The following MED13L variants were observed in gnomAD, a reference collection of about 807,000 sequenced individuals.
MED13L encodes mediator of RNA polymerase II transcription subunit 13-like.
In MED13L, 7 loss-of-function variants were observed where a neutral mutation model predicts 220.9. That is an observed-to-expected ratio of 0.03 (90% CI 0.02 to 0.06). The LOEUF is 0.06. Ranked by LOEUF, MED13L falls within the 10% of genes least tolerant of loss-of-function variation. MED13L has a pLI of 1.00. For missense variants in MED13L, 1,965 were observed against 2,760.5 expected (o/e 0.71, Z 6.46); for synonymous variants, 1,011 against 1,015.2 (o/e 1.00, Z 0.08).
intron 1 of MED13L, among the ~76,000 whole-genome samples, chr12:116,253,964 T>G (rs1293860010): frequency 6.6e-6 from 1 of 151,872 alleles, no homozygotes; most frequent in Non-Finnish European, 1.5e-5. Context: ...TTTCGCCACA[T>G]TGGCCAGGCT....
chr12:116,012,932 G>C, intron 8 of MED13L, 31 bp from the exon 9 acceptor site: 6 of 1,454,894 alleles, frequency 4.1e-6, no homozygotes, highest in Non-Finnish European at 5.8e-6. Context: ...ACTTATGTGT[G>C]AACATAATAC....
chr12:115,968,913 A>C, intron 28 of MED13L, 27 bp downstream of exon 28: 1 of 1,613,422 alleles, frequency 6.2e-7, no homozygotes, highest in Non-Finnish European at 8.5e-7. Context: ...TGGTTGTCTT[A>C]AACAACGTAC....
chr12:116,140,386 T>C (rs767755027), intron 2 of MED13L, among the ~76,000 whole-genome samples: 4 of 152,212 alleles, frequency 2.6e-5, no homozygotes, highest in African/African-American at 4.8e-5. Flanking sequence ...ATTGAATCTA[T>C]CTTCAGGATT....
intron 24 of MED13L, 55 bp downstream of exon 24, chr12:115,975,460 T>C (rs1592904781): frequency 2.5e-6 from 4 of 1,597,418 alleles, no homozygotes; most frequent in African/African-American, 1.3e-5. Context: ...ATATTCATAT[T>C]TGAGGAACGG....
chr12:116,026,529 C>T (rs980940439), intron 4 of MED13L, among the ~76,000 whole-genome samples: 2 of 152,136 alleles, frequency 1.3e-5, no homozygotes, highest in Non-Finnish European at 2.9e-5. Context: ...GACTGCTGGG[C>T]CCCTGAGGCT....
intron 4 of MED13L, among the ~76,000 whole-genome samples, chr12:116,063,595 G>C (rs1009142531): frequency 1.3e-5 from 2 of 152,102 alleles, no homozygotes; most frequent in Non-Finnish European, 2.9e-5. Context: ...TAATAATCTA[G>C]TTTTATGTAC....
chr12:116,151,819 A>G (rs1410427376), intron 2 of MED13L, among the ~76,000 whole-genome samples: 3 of 152,326 alleles, frequency 2.0e-5, no homozygotes, highest in African/African-American at 7.2e-5. Context: ...TTAGAAATAC[A>G]TTTCCTAAAT....
Position 115,963,587 on chromosome 12 carries a change from A to AC in MED13L, c.6388-69_6388-68insG. 3 of 1,196,380 alleles carry AC rather than the reference A, an allele frequency of 2.5e-6. No individual in the cohort carries two copies. In the East Asian group the frequency reaches 7.3e-5, roughly 29 times the overall value. The allele number at this position is 1,196,380 out of a possible 1,614,324, so 74.1% of individuals were successfully genotyped here. ...TCACAGTGCAGAAGTGAGGGAGGCC[A>AC]TGTCTGCCAGAAGCAGATGCTCCCA... On this transcript the variant is annotated intron_variant, in intron 29 of 30. Coordinates refer to ENST00000281928, the MANE Select transcript of MED13L (RefSeq NM_015335.5).
At chr12:115,971,918 G>C (rs999071040) in intron 26 of MED13L, among the ~76,000 whole-genome samples, 160 bp downstream of exon 26, 15 of 152,092 alleles carry the variant, frequency 9.9e-5, no homozygotes. Flanking sequence ...AAACCACTCC[G>C]CATGGAAGGT....
At chr12:116,250,445 G>A (rs1871438678) in intron 1 of MED13L, among the ~76,000 whole-genome samples, 2 of 151,636 alleles carry the variant, frequency 1.3e-5, no homozygotes, top group Admixed American at 1.3e-4. Context: ...ACCAGGAATA[G>A]GTAACATATA....
At position 115,983,661 on chromosome 12, in the gene MED13L, A is replaced by T. The variant is rs1304470605; in HGVS notation, c.4532-121T>A. ...TTCAGGCTGCAATACTCTGATTACA[A>T]TACCCAAAATACTATCTCCACAGTC... On this transcript the variant is annotated intron_variant, in intron 20 of 30. Transcript: ENST00000281928. The T allele has an allele frequency of 1.1e-5, 11 of 1,002,400 alleles. No individual in the cohort carries two copies. In the Admixed American group the frequency reaches 2.2e-4, roughly 20 times the overall value. 62.1% of individuals were successfully genotyped at this position (1,002,400 alleles called of 1,614,324 possible).
At chr12:116,107,186 G>A (rs560875539) in intron 3 of MED13L, among the ~76,000 whole-genome samples, 18 of 152,222 alleles carry the variant, frequency 1.2e-4, no homozygotes, top group Admixed American at 5.2e-4. Flanking sequence ...AAACAAACAC[G>A]TACCCCCAAA....
At chr12:115,999,842 A>G (rs1878634038) in intron 14 of MED13L, among the ~76,000 whole-genome samples, 2 of 152,198 alleles carry the variant, frequency 1.3e-5, no homozygotes, top group Admixed American at 1.3e-4. Context: ...TAATTTTAGC[A>G]AAGGTAAACA....
chr12:115,998,436 G>C (rs1048582277), intron 14 of MED13L, among the ~76,000 whole-genome samples: 1 of 152,204 alleles, frequency 6.6e-6, no homozygotes, highest in African/African-American at 2.4e-5. Context: ...CTGGGCAACT[G>C]TACCGTGCTG....
intron 16 of MED13L, among the ~76,000 whole-genome samples, chr12:115,995,792 C>T (rs530982929): frequency 1.3e-5 from 2 of 152,226 alleles, no homozygotes; most frequent in African/African-American, 4.8e-5. Flanking sequence ...TAACTCAAAG[C>T]CTGTTTTACA....
intron 4 of MED13L, among the ~76,000 whole-genome samples, chr12:116,025,431 C>G (rs180715947): frequency 4.6e-5 from 7 of 152,190 alleles, no homozygotes; most frequent in Non-Finnish European, 1.0e-4. Flanking sequence ...TCTGCACTCC[C>G]TTGCTTATTC....
At chr12:116,130,929 T>C (rs1481267905) in intron 2 of MED13L, among the ~76,000 whole-genome samples, 1 of 152,218 alleles carries the variant, frequency 6.6e-6, no homozygotes, top group African/African-American at 2.4e-5. Flanking sequence ...GTATATCTTA[T>C]GTTCAAAGTG....
At position 115,975,426 on chromosome 12, in the gene MED13L, C is replaced by T. The variant is rs963579822; in HGVS notation, c.5588+89G>A. 7 of 1,592,184 alleles carry T rather than the reference C, an allele frequency of 4.4e-6. No individual in the cohort carries two copies. The African/African-American group carries it at 9.4e-5, about 21-fold the overall frequency. ...AAAGAACCTATCCATGCTGTACCCA[C>T]TTCATTTACATAGAAAACTGGAAAT... On this transcript the variant is annotated intron_variant, in intron 24 of 30. Coordinates refer to ENST00000281928, the MANE Select transcript of MED13L (RefSeq NM_015335.5).
At chr12:116,253,532 T>G (rs1161714206) in intron 1 of MED13L, among the ~76,000 whole-genome samples, 1 of 151,802 alleles carries the variant, frequency 6.6e-6, no homozygotes, top group African/African-American at 2.4e-5. Context: ...TAAACACAGA[T>G]GAAAAAACCA....
Sources: gnomAD v4.1 joint callset for allele counts (sites outside exome capture counted in the v4.1 genomes callset) on GRCh38, gnomAD v4.1.1 for gene constraint, MANE v1.5 for transcripts, NCBI Gene and HGNC (gene_info 2026-07-23, HGNC 2026-07-21) for gene names.